TCF4: variants seen among roughly 807,000 people sequenced by gnomAD.
TCF4 encodes the protein transcription factor 4, also known as SL3-3 enhancer factor 2.
In TCF4, 3 loss-of-function variants were observed where a neutral mutation model predicts 82.1. That is an observed-to-expected ratio of 0.04 (90% CI 0.02 to 0.09). The LOEUF (loss-of-function observed/expected upper bound fraction) is 0.09, where lower values mean the gene tolerates loss of function less well. Among genes scored for constraint, TCF4 ranks in the 10% least tolerant of loss-of-function variants. The pLI is 1.00. For synonymous variants in TCF4, 276 were observed against 309.6 expected (o/e 0.89, Z 1.14); for missense variants, 518 against 852.7 (o/e 0.61, Z 4.89).
intron 3 of TCF4, among the ~76,000 whole-genome samples, chr18:55,499,433 C>A (rs552304717): frequency 6.6e-6 from 1 of 152,274 alleles, no homozygotes; most frequent in African/African-American, 2.4e-5. Flanking sequence ...TAGGGAGGCA[C>A]AGTAACAGAG....
intron 5 of TCF4, among the ~76,000 whole-genome samples, chr18:55,446,868 C>CTGGTAGCCT (rs1389523506): frequency 7.9e-5 from 12 of 151,816 alleles, no homozygotes; most frequent in African/African-American, 2.9e-4. Context: ...TGCCTGTAGT[C>CTGGTAGCCT]CCAGATACTC....
chr18:55,518,433 G>A (rs181351966), intron 3 of TCF4, among the ~76,000 whole-genome samples: 44 of 152,232 alleles, frequency 2.9e-4, no homozygotes, highest in Non-Finnish European at 5.7e-4. Flanking sequence ...CACCAAATAT[G>A]TAGGAGAGAC....
intron 15 of TCF4, among the ~76,000 whole-genome samples, chr18:55,251,138 A>G (rs1310692972): frequency 6.6e-6 from 1 of 152,218 alleles, no homozygotes; most frequent in African/African-American, 2.4e-5. Flanking sequence ...AGAGCTCAAC[A>G]TAAGGCTTTC....
At chr18:55,234,953 C>T (rs2048943247) in intron 15 of TCF4, among the ~76,000 whole-genome samples, 2 of 152,164 alleles carry the variant, frequency 1.3e-5, no homozygotes, top group African/African-American at 4.8e-5. Flanking sequence ...CAGGGTGCTG[C>T]AGTGGAGCGC....
chr18:55,395,660 G>A (rs538739281), intron 6 of TCF4, among the ~76,000 whole-genome samples: 5 of 152,258 alleles, frequency 3.3e-5, no homozygotes, highest in Admixed American at 2.0e-4. Context: ...TCAGAATCTC[G>A]CTGTATGTAG....
upstream of TCF4, among the ~76,000 whole-genome samples, chr18:55,588,821 T>C (rs758018393): frequency 6.6e-6 from 1 of 151,736 alleles, no homozygotes; most frequent in Non-Finnish European, 1.5e-5. Context: ...AGTCACAGAA[T>C]AGTATAACTG....
At chr18:55,424,972 G>A (rs997267767) in intron 5 of TCF4, among the ~76,000 whole-genome samples, 4 of 152,176 alleles carry the variant, frequency 2.6e-5, no homozygotes, top group African/African-American at 9.7e-5. Flanking sequence ...ACAACTATAT[G>A]ACTGCAAAAT....
chr18:55,403,032 T>A (rs971574953), intron 6 of TCF4, among the ~76,000 whole-genome samples: 1 of 152,128 alleles, frequency 6.6e-6, no homozygotes, highest in African/African-American at 2.4e-5. Context: ...CACAACATCA[T>A]ACAGCCCCTA....
intron 8 of TCF4, among the ~76,000 whole-genome samples, chr18:55,312,931 A>C (rs143687168): frequency 1.6e-4 from 25 of 152,298 alleles, no homozygotes; most frequent in East Asian, 1.2e-3. Flanking sequence ...CATTTTAAAT[A>C]TCACAGCTGT....
chr18:55,368,555 A>C (rs949149552), intron 6 of TCF4, among the ~76,000 whole-genome samples: 4 of 152,208 alleles, frequency 2.6e-5, no homozygotes, highest in African/African-American at 9.6e-5. Context: ...GAAAGTTTTC[A>C]AATTTGTGTT....
intron 3 of TCF4, among the ~76,000 whole-genome samples, chr18:55,541,177 A>T (rs1365725332): frequency 6.6e-6 from 1 of 151,950 alleles, no homozygotes; most frequent in Non-Finnish European, 1.5e-5. Context: ...CATTATACAC[A>T]TTATTATCTT....
intron 5 of TCF4, among the ~76,000 whole-genome samples, chr18:55,428,775 A>T (rs1050925963): frequency 3.9e-5 from 6 of 152,204 alleles, no homozygotes; most frequent in African/African-American, 1.4e-4. Context: ...AATTAAGAGG[A>T]TAAACAATGT....
chr18:55,270,107 A>G, intron 10 of TCF4, 144 bp from the exon 11 acceptor site: 1 of 1,064,022 alleles, frequency 9.4e-7, no homozygotes, highest in East Asian at 2.6e-5. Context: ...TATCTTGTTT[A>G]GATCTGACAG....
At chr18:55,379,006 T>C (rs2091400372) in intron 6 of TCF4, among the ~76,000 whole-genome samples, 1 of 152,216 alleles carries the variant, frequency 6.6e-6, no homozygotes, top group African/African-American at 2.4e-5. Flanking sequence ...CATCTCAACA[T>C]TCTATTTACT....
chr18:55,440,401 T>C (rs1158261691), intron 5 of TCF4, among the ~76,000 whole-genome samples: 1 of 152,218 alleles, frequency 6.6e-6, no homozygotes, highest in Non-Finnish European at 1.5e-5. Context: ...TCACCTGTTT[T>C]AGCAGGATCC....
intron 8 of TCF4, among the ~76,000 whole-genome samples, chr18:55,297,878 TAAG>T (rs1323909321): frequency 6.6e-6 from 1 of 152,036 alleles, no homozygotes; most frequent in African/African-American, 2.4e-5. Context: ...TTTTAAAAAA[TAAG>T]GTTTAAGACA....
At chr18:55,377,114 C>T (rs979941918) in intron 6 of TCF4, among the ~76,000 whole-genome samples, 7 of 152,224 alleles carry the variant, frequency 4.6e-5, no homozygotes, top group Non-Finnish European at 1.0e-4. Flanking sequence ...TATTTTCCAA[C>T]TAAGTGACTC....
At chr18:55,351,841 T>G in intron 6 of TCF4, 1 of 918,922 alleles carries the variant, frequency 1.1e-6, no homozygotes, top group Non-Finnish European at 1.3e-6. Flanking sequence ...GAACACATTG[T>G]TCTTTTAATT....
intron 15 of TCF4, among the ~76,000 whole-genome samples, chr18:55,245,034 T>C (rs2052598557): frequency 6.6e-6 from 1 of 152,220 alleles, no homozygotes; most frequent in Non-Finnish European, 1.5e-5. Flanking sequence ...AACTCAACTT[T>C]ATAGTTCTAA....
Sources: allele counts gnomAD v4.1 joint callset (sites outside exome capture counted in the v4.1 genomes callset), GRCh38; gene constraint gnomAD v4.1.1; transcripts MANE v1.5; gene names NCBI Gene and HGNC (gene_info 2026-07-23, HGNC 2026-07-21).